Variants in APBB1 observed in about 807,000 individuals in gnomAD.
APBB1 encodes adaptor protein FE65a2.
In APBB1, 22 loss-of-function variants were observed where a neutral mutation model predicts 78.4. The ratio of observed to expected loss-of-function variants is 0.28; its 90% CI spans 0.20 to 0.40. The LOEUF is 0.40. APBB1 is among the 10% of genes least tolerant of loss of function. The pLI is 1.00. For missense variants in APBB1, 749 were observed against 932.4 expected (o/e 0.80, Z 2.56); for synonymous variants, 369 against 372.7 (o/e 0.99, Z 0.12).
rs779268172 is a variant in APBB1, at chr11:6,401,227, AT to A, written c.1588+117del. Reference sequence around the variant, plus strand: ...CCGGAGTCCCTCCACGTATTGGAGTATTCAGTCTTCATGTGTTCATTTTTCT... The same window carrying A: ...CCGGAGTCCCTCCACGTATTGGAGTATCAGTCTTCATGTGTTCATTTTTCT... On this transcript the variant is annotated intron_variant, in intron 11 of 14. Coordinates refer to ENST00000609360, the MANE Select transcript of APBB1 (RefSeq NM_001164.5). The surrounding 1 kb of genome is among the most constrained non-coding windows in gnomAD (Gnocchi z 4.5). The A allele has an allele frequency of 6.8e-6, 11 of 1,609,716 alleles. No homozygotes were observed. The African/African-American group carries it at 1.5e-4, about 22-fold the overall frequency.
At chr11:6,399,696 G>A (rs1192705391) in intron 12 of APBB1, among the ~76,000 whole-genome samples, 1 of 152,126 alleles carries the variant, frequency 6.6e-6, no homozygotes, top group Non-Finnish European at 1.5e-5. Flanking sequence ...TCTGATTAAG[G>A]CAAGTGCACT....
chr11:6,403,191 T>C lies in APBB1; in HGVS notation c.1058A>G (p.Gln353Arg), dbSNP rs755833445. 3.1e-6 allele frequency: 5 copies of C among 1,613,480 alleles called. No individual in the cohort carries two copies. The highest frequency in any genetic ancestry group is 1.7e-6 in the Non-Finnish European group (2 of 1,179,788). ...AQSLSPEPLP[Q>R]EEEKLPPRNT... ...CCGTGGGGGAAGCTTCTCCTCCTCT[T>C]GGGGCAACGGCTCTGGGCTGAAGGC... is the stretch of plus-strand genomic sequence containing the variant. Residue 353 changes from glutamine (Q) to arginine (R), a missense_variant, in exon 6 of 15, where the codon CAA becomes CGA. Physicochemically the swap from Gln to Arg is conservative, Grantham distance 43. Transcript: ENST00000609360. The surrounding 1 kb of genome is among the most constrained non-coding windows in gnomAD (Gnocchi z 5.3).
chr11:6,414,030 A>T (rs1002920743), intron 1 of APBB1, among the ~76,000 whole-genome samples: 1 of 151,932 alleles, frequency 6.6e-6, no homozygotes, highest in Non-Finnish European at 1.5e-5. Context: ...GGTTCAGAAA[A>T]TGAGAGGGCT....
At chr11:6,409,749 C>A (rs1848912023) in intron 2 of APBB1, among the ~76,000 whole-genome samples, 1 of 146,444 alleles carries the variant, frequency 6.8e-6, no homozygotes, top group Non-Finnish European at 1.5e-5. Flanking sequence ...ATTATCTCCA[C>A]TCTTTGTTCC....
At chr11:6,407,584 A>C (rs1235037124) in intron 2 of APBB1, among the ~76,000 whole-genome samples, 1 of 152,204 alleles carries the variant, frequency 6.6e-6, no homozygotes, top group East Asian at 1.9e-4. Context: ...ATTTTACACC[A>C]ATATCTAGTT....
At position 6,395,680 on chromosome 11, in the gene APBB1, C is replaced by A; in HGVS notation, c.1987G>T (p.Asp663Tyr). 6.3e-7 allele frequency: 1 copy of A among 1,589,060 alleles called. No homozygotes were observed. Among genetic ancestry groups the A allele is most frequent in the Non-Finnish European group, 8.6e-7 (1 of 1,167,050 alleles). The part of the protein sequence containing the change: ...ACMLRYQKCL[D>Y]ARSQASTSCL... ...GAGGTGGAGGCCTGGGAACGGGCAT[C>A]CAGACACTTCTGGTAGCGAAGCTGC... Residue 663 changes from aspartate (D) to tyrosine (Y), a missense_variant, in exon 15 of 15, where the codon GAT (aspartate) becomes TAT (tyrosine). Physicochemically the swap from Asp to Tyr is radical, Grantham distance 160. Transcript: ENST00000609360. This position sits in a 1 kb window ranked among gnomAD's most constrained non-coding sequence, Gnocchi z 5.2.
Position 6,395,658 on chromosome 11 carries a change from G to T in APBB1, c.2009C>A (p.Thr670Asn), listed in dbSNP as rs772243685. ...AGCAGGGGGTGCTGGGAGGCAGGAG[G>T]TGGAGGCCTGGGAACGGGCATCCAG... ...KCLDARSQAS[T>N]SCLPAPPAES... The change falls in exon 15 of 15, where the codon ACC (threonine) becomes AAC (asparagine). Residue 670 changes from threonine (T) to asparagine (N), a missense_variant. Thr to Asn is a moderately conservative substitution (Grantham distance 65). Coordinates refer to ENST00000609360, the MANE Select transcript of APBB1 (RefSeq NM_001164.5). The surrounding 1 kb of genome is among the most constrained non-coding windows in gnomAD (Gnocchi z 5.2). The T allele has an allele frequency of 1.9e-6, 3 of 1,593,496 alleles. No homozygotes were observed. The highest frequency in any genetic ancestry group is 8.6e-7 in the Non-Finnish European group (1 of 1,168,668).
chr11:6,395,190 G>A lies in APBB1; in HGVS notation c.*344C>T, dbSNP rs1399180480. 1.2e-5 allele frequency: 3 copies of A among 260,114 alleles called. No homozygotes were observed. The South Asian group carries it at 3.1e-4, about 27-fold the overall frequency. 16.1% of individuals were successfully genotyped at this position (260,114 alleles called of 1,614,324 possible). A position where few individuals can be genotyped will look rare whatever the true frequency, so the allele number is the denominator to read the frequency against. The stretch of plus-strand genomic sequence containing the variant: ...AGGTGCCCATGGAGCAGGGGGAAGG[G>A]ACCCATGCCTGGACCAGTCCCTTCC... On this transcript the variant is annotated 3_prime_UTR_variant, in exon 15 of 15. Transcript: ENST00000609360. The surrounding 1 kb of genome is among the most constrained non-coding windows in gnomAD (Gnocchi z 5.2).
chr11:6,401,466 C>G lies in APBB1; in HGVS notation c.1504-37G>C. 6.2e-7 allele frequency: 1 copy of G among 1,612,234 alleles called. No homozygotes were observed. Among genetic ancestry groups the G allele is most frequent in the Non-Finnish European group, 8.5e-7 (1 of 1,178,556 alleles). ...AGGGAGGCGAGGAGCCAGGGAGAAT[C>G]TATTAGAGCCTCATTGCCCTGGGGC... On this transcript the variant is annotated intron_variant, in intron 10 of 14. Transcript: ENST00000609360. This position sits in a 1 kb window ranked among gnomAD's most constrained non-coding sequence, Gnocchi z 4.5.
intron 1 of APBB1, among the ~76,000 whole-genome samples, chr11:6,412,919 C>A (rs4758416): frequency 6.6e-6 from 1 of 151,756 alleles, no homozygotes; most frequent in Non-Finnish European, 1.5e-5. Flanking sequence ...CCTCCAGACC[C>A]CTCCCTCTGC....
intron 2 of APBB1, among the ~76,000 whole-genome samples, chr11:6,408,193 C>T (rs1848865104): frequency 1.3e-5 from 2 of 152,168 alleles, no homozygotes; most frequent in Admixed American, 6.5e-5. Flanking sequence ...ACAGGAAATC[C>T]AGGGGAAGAG....
chr11:6,407,969 C>T (rs1000292870), intron 2 of APBB1, among the ~76,000 whole-genome samples: 4 of 151,686 alleles, frequency 2.6e-5, no homozygotes, highest in Non-Finnish European at 5.9e-5. Flanking sequence ...TTAGTAGAGA[C>T]GGGGTTTCAC....
At chr11:6,405,586 G>A (rs911757352) in intron 2 of APBB1, 26 of 986,026 alleles carry the variant, frequency 2.6e-5, no homozygotes, top group Middle Eastern at 5.2e-4. Context: ...GGGAGTGGGC[G>A]TGGTTACGCC....
Position 6,411,973 on chromosome 11 carries a change from T to G in APBB1, c.-14-612A>C, listed in dbSNP as rs1322952609. ...AGGTCACAGAGGGAGGGCGCTCGGC[T>G]GCAATTCATGGCTTCTCTGGCCAGA... is the stretch of plus-strand genomic sequence containing the variant. On this transcript the variant is annotated intron_variant, in intron 1 of 14. Coordinates refer to ENST00000609360, the MANE Select transcript of APBB1 (RefSeq NM_001164.5). The surrounding 1 kb of genome is among the most constrained non-coding windows in gnomAD (Gnocchi z 5.2). 6.6e-6 allele frequency among the ~76,000 whole-genome samples: 1 copy of G among 152,232 alleles called. No individual in the cohort carries two copies. The highest frequency in any genetic ancestry group is 2.4e-5 in the African/African-American group (1 of 41,464).
upstream of APBB1, chr11:6,419,233 C>G (rs891904470): frequency 6.7e-6 from 2 of 296,626 alleles, no homozygotes; most frequent in South Asian, 1.6e-4. Context: ...GGGCGGCCCT[C>G]GGACCTCGGT....
intron 2 of APBB1, among the ~76,000 whole-genome samples, chr11:6,408,597 C>T (rs558414681): frequency 1.3e-5 from 2 of 152,046 alleles, no homozygotes; most frequent in South Asian, 4.2e-4. Flanking sequence ...CTCTGTCTCC[C>T]GGGTTCAAGT....
chr11:6,419,285 C>G (rs1417164355), upstream of APBB1: 1 of 277,012 alleles, frequency 3.6e-6, no homozygotes, highest in Non-Finnish European at 6.7e-6. Context: ...CCCCTGCAGC[C>G]GACTCCCTGG....
intron 7 of APBB1, 35 bp downstream of exon 7, chr11:6,402,541 C>T (rs2134068340): frequency 6.2e-7 from 1 of 1,603,986 alleles, no homozygotes; most frequent in Non-Finnish European, 8.5e-7. Context: ...CACACTCTCA[C>T]AGTACCACCC....
In APBB1 at chr11:6,410,682, T is replaced by A. The variant is rs1204460692; in HGVS notation, c.666A>T (p.Ser222=). 4 of 1,523,958 alleles carry A rather than the reference T, an allele frequency of 2.6e-6. No individual in the cohort carries two copies. The highest frequency in any genetic ancestry group is 3.5e-6 in the Non-Finnish European group (4 of 1,136,392). 94.4% of individuals were successfully genotyped at this position (1,523,958 alleles called of 1,614,324 possible). ...MRNSAASDED[S]SWATLSQGSP... ...TGCCCTGGGATAAGGTAGCCCAGCT[T>A]GAGTCCTCATCACTGGCTGCACTGT... Residue 222 remains serine (S), a synonymous_variant, in exon 2 of 15, where the codon TCA becomes TCT. Coordinates refer to ENST00000609360, the MANE Select transcript of APBB1 (RefSeq NM_001164.5).
Sources: allele counts gnomAD v4.1 joint callset (sites outside exome capture counted in the v4.1 genomes callset), GRCh38; gene constraint gnomAD v4.1.1; non-coding constraint Gnocchi (gnomAD v3.1); transcripts MANE v1.5; gene names NCBI Gene and HGNC (gene_info 2026-07-23, HGNC 2026-07-21).